Variants in CYP20A1 observed in about 807,000 individuals in gnomAD.
The protein encoded by CYP20A1 is cytochrome P450 family 20 subfamily A member 1, also known as cytochrome P450 20A1.
CYP20A1 carries 61 observed loss-of-function variants against 61.4 expected under a neutral mutation model. That is an observed-to-expected ratio of 0.99 (90% confidence interval 0.81 to 1.23). CYP20A1 has a LOEUF of 1.23. Among genes scored for constraint, CYP20A1 ranks in the 50% most tolerant of loss-of-function variants. CYP20A1 has a pLI of 0.00. For synonymous variants in CYP20A1, 193 were observed against 188.2 expected, an observed-to-expected ratio of 1.03 and a Z score of -0.21; for missense variants, 530 against 542.4, an observed-to-expected ratio of 0.98 and a Z score of 0.23.
At position 203,300,003 on chromosome 2, in the gene CYP20A1, C is replaced by T. The variant is rs924780691; in HGVS notation, c.*3095C>T. ...GTACCTCGAATGGGTTGGAAACTGG[C>T]GGTAGAAGGTTAGAGTAGCCAATTG... On this transcript the variant is annotated 3_prime_UTR_variant, in exon 13 of 13. Coordinates refer to ENST00000356079, the MANE Select transcript of CYP20A1 (RefSeq NM_177538.3). Among the ~76,000 whole-genome samples the T allele has an allele frequency of 3.3e-5, 5 of 152,124 alleles. No individual in the cohort carries two copies. Among genetic ancestry groups the T allele is most frequent in the South Asian group, 2.1e-4 (1 of 4,828 alleles).
At chr2:203,244,167 C>T (rs1401902417) in intron 1 of CYP20A1, among the ~76,000 whole-genome samples, 1 of 152,002 alleles carries the variant, frequency 6.6e-6, no homozygotes, top group Non-Finnish European at 1.5e-5. Flanking sequence ...CCTACCTTCC[C>T]ACCCACTCAA....
At chr2:203,251,793 GTATATATATA>G (rs34020768) in intron 3 of CYP20A1, among the ~76,000 whole-genome samples, 164 bp from the exon 4 acceptor site, 10,306 of 64,220 alleles carry the variant, frequency 0.16, 1,986 homozygotes, top group African/African-American at 0.35. Flanking sequence ...ATATATATGT[GTATATATATA>G]TATATATATA....
intron 4 of CYP20A1, among the ~76,000 whole-genome samples, chr2:203,263,447 G>T (rs2152072212): frequency 6.6e-6 from 1 of 151,898 alleles, no homozygotes; most frequent in Non-Finnish European, 1.5e-5. Context: ...CTGCCACCAG[G>T]CCTGGCTAAT....
rs758777534 is a variant in CYP20A1, at chr2:203,252,107, A to G, written c.430A>G (p.Lys144Glu). The G allele has an allele frequency of 3.7e-6, 6 of 1,604,434 alleles. No individual in the cohort carries two copies. The highest frequency in any genetic ancestry group is 5.1e-6 in the Non-Finnish European group (6 of 1,174,766). Reference protein sequence around the residue: ...SLKSNFALLLKLSEELLDKWL... With the variant: ...SLKSNFALLLELSEELLDKWL... ...GAAGAGTAACTTTGCCCTCCTCCTA[A>G]AGGTAAGGTGATAAGTAGTTTGGTC... Residue 144 changes from lysine to glutamate, a missense_variant and splice_region_variant, in exon 4 of 13, where the codon AAG becomes GAG. Physicochemically the swap from Lys to Glu is moderately conservative, Grantham distance 56. Coordinates refer to ENST00000356079, the MANE Select transcript of CYP20A1 (RefSeq NM_177538.3).
In CYP20A1 at chr2:203,304,198, TGA is replaced by T. The variant is rs1244886643; in HGVS notation, c.*7293_*7294del. 6.6e-6 allele frequency among the ~76,000 whole-genome samples: 1 copy of T among 151,670 alleles called. No homozygotes were observed. The highest frequency in any genetic ancestry group is 1.5e-5 in the Non-Finnish European group (1 of 67,852). ...CTGTACTCCAGCCTAGGTGACAGAG[TGA>T]GACTCCATAGGTCTCAGCCAGACTC... On this transcript the variant is annotated 3_prime_UTR_variant, in exon 13 of 13. Coordinates refer to ENST00000356079, the MANE Select transcript of CYP20A1 (RefSeq NM_177538.3).
intron 4 of CYP20A1, among the ~76,000 whole-genome samples, chr2:203,261,491 T>C (rs1394252265): frequency 1.4e-5 from 2 of 146,332 alleles, no homozygotes; most frequent in African/African-American, 5.0e-5. Context: ...GGAGGATCCC[T>C]TGAGCCCAGG....
At position 203,295,352 on chromosome 2, in the gene CYP20A1, G is replaced by A. The variant is rs1422905940; in HGVS notation, c.1149-1122G>A. Among the ~76,000 whole-genome samples, 3 of 152,054 alleles carry A rather than the reference G, an allele frequency of 2.0e-5. No homozygotes were observed. The East Asian group carries it at 5.8e-4, about 29-fold the overall frequency. Reference sequence around the variant, plus strand: ...GGCGTCACAAAGTGCTAGGATTACAGGCGTGAGCCACTGTGTCCAGCCTCT... The same window carrying A: ...GGCGTCACAAAGTGCTAGGATTACAAGCGTGAGCCACTGTGTCCAGCCTCT... On this transcript the variant is annotated intron_variant, in intron 11 of 12. Transcript: ENST00000356079.
Position 203,285,684 on chromosome 2 carries a change from A to G in CYP20A1, c.923A>G (p.Gln308Arg), listed in dbSNP as rs1469031933. Residue 308 changes from glutamine (Q) to arginine (R), a missense_variant, in exon 9 of 13, where the codon CAA becomes CGA. By Grantham distance (43) the Gln-to-Arg change is conservative (BLOSUM62 1). Transcript: ENST00000356079. ...AAAAAATTATATGAAGAGATAAACC[A>G]AGTTTTTGGAAATGGTCCTGTTACT... ...VQKKLYEEIN[Q>R]VFGNGPVTPE... 6.2e-7 allele frequency: 1 copy of G among 1,605,422 alleles called. No individual in the cohort carries two copies. Among genetic ancestry groups the G allele is most frequent in the Non-Finnish European group, 8.5e-7 (1 of 1,178,330 alleles).
At chr2:203,265,310 T>C (rs2067280519) in intron 4 of CYP20A1, among the ~76,000 whole-genome samples, 1 of 152,184 alleles carries the variant, frequency 6.6e-6, no homozygotes, top group South Asian at 2.1e-4. Flanking sequence ...TGAATGTCCT[T>C]TGGAGACAAA....
intron 11 of CYP20A1, among the ~76,000 whole-genome samples, chr2:203,294,192 C>T (rs1009222621): frequency 1.4e-4 from 21 of 151,292 alleles, no homozygotes; most frequent in South Asian, 6.3e-4. Flanking sequence ...TTATTTTTTT[C>T]GAGACAGAAT....
chr2:203,271,048 ATATG>A (rs1360443727), intron 5 of CYP20A1, among the ~76,000 whole-genome samples: 52 of 24,014 alleles, frequency 2.2e-3, no homozygotes, highest in Non-Finnish European at 2.8e-3. Context: ...ATATATATGT[ATATG>A]TGTATATATA....
chr2:203,257,974 T>C (rs1430912441), intron 4 of CYP20A1, among the ~76,000 whole-genome samples: 4 of 152,200 alleles, frequency 2.6e-5, no homozygotes, highest in Non-Finnish European at 5.9e-5. Context: ...CAATTATAGC[T>C]CACTGGAGCA....
At chr2:203,273,213 G>A (rs1005700594) in intron 6 of CYP20A1, among the ~76,000 whole-genome samples, 26 of 152,046 alleles carry the variant, frequency 1.7e-4, no homozygotes, top group African/African-American at 6.0e-4. Context: ...TAACAGAAGC[G>A]AGGAAAAATA....
At chr2:203,245,347 A>ATTT (rs1314143117) in intron 1 of CYP20A1, among the ~76,000 whole-genome samples, 4 of 52,878 alleles carry the variant, frequency 7.6e-5, no homozygotes, top group African/African-American at 1.6e-4. Context: ...TTAAAAAAAA[A>ATTT]TTTTTTTTTT....
chr2:203,245,346 AAT>A (rs113991454), intron 1 of CYP20A1, among the ~76,000 whole-genome samples: 1,846 of 143,368 alleles, frequency 0.013, 27 homozygotes, highest in Middle Eastern at 0.029. Flanking sequence ...TTTAAAAAAA[AAT>A]TTTTTTTTTT....
chr2:203,252,636 C>T (rs2066735671), intron 4 of CYP20A1, among the ~76,000 whole-genome samples: 1 of 152,064 alleles, frequency 6.6e-6, no homozygotes, highest in Non-Finnish European at 1.5e-5. Context: ...CTCAAGTGGT[C>T]TACCCACCTC....
chr2:203,249,816 A>T (rs2066593881), intron 3 of CYP20A1, among the ~76,000 whole-genome samples: 1 of 152,102 alleles, frequency 6.6e-6, no homozygotes, highest in Admixed American at 6.6e-5. Context: ...TTGCACTCCA[A>T]CCTGGATGAC....
rs1190795053 is a variant in CYP20A1, at chr2:203,301,262, CTT to C, written c.*4365_*4366del. ...TTCTTTTCTTTCTTTCTTTTCTTTT[CTT>C]TTTTTTTTTTGAGGCACAGTCTTGC... is the stretch of plus-strand genomic sequence containing the variant. On this transcript the variant is annotated 3_prime_UTR_variant, in exon 13 of 13. Transcript: ENST00000356079. Among the ~76,000 whole-genome samples the C allele has an allele frequency of 5.3e-5, 7 of 133,156 alleles. No homozygotes were observed. Among genetic ancestry groups the C allele is most frequent in the Non-Finnish European group, 6.6e-5 (4 of 61,056 alleles). 87.4% of individuals were successfully genotyped at this position (133,156 alleles called of 152,430 possible). A position where few individuals can be genotyped will look rare whatever the true frequency, so the allele number is the denominator to read the frequency against.
rs2069032072 is a variant in CYP20A1, at chr2:203,301,817, A to G, written c.*4909A>G. 1.3e-5 allele frequency among the ~76,000 whole-genome samples: 2 copies of G among 152,114 alleles called. No individual in the cohort carries two copies. The highest frequency in any genetic ancestry group is 2.1e-4 in the South Asian group (1 of 4,828). On this transcript the variant is annotated 3_prime_UTR_variant, in exon 13 of 13. Coordinates refer to ENST00000356079, the MANE Select transcript of CYP20A1 (RefSeq NM_177538.3). ...GTCTTTACTGCTTTATTATGAAATA[A>G]TAATGTTTATTGTAGAAAAATCTAG... is the stretch of plus-strand genomic sequence containing the variant.
Sources: allele counts gnomAD v4.1 joint callset (sites outside exome capture counted in the v4.1 genomes callset), GRCh38; gene constraint gnomAD v4.1.1; transcripts MANE v1.5; gene names NCBI Gene and HGNC (gene_info 2026-07-23, HGNC 2026-07-21).